The following FZD9 variants were observed in gnomAD, a reference collection of about 807,000 sequenced individuals.
FZD9 encodes frizzled class receptor 9.
In FZD9, 29 loss-of-function variants were observed where a neutral mutation model predicts 29.9. That is an observed-to-expected ratio of 0.97 (90% CI 0.72 to 1.32). FZD9 has a LOEUF of 1.32. Among genes scored for constraint, FZD9 ranks in the 40% most tolerant of loss-of-function variants. The pLI, the probability that FZD9 is intolerant of heterozygous loss-of-function variation, is 0.00. For missense variants in FZD9, 822 were observed against 857.8 expected (o/e 0.96, Z 0.52); for synonymous variants, 384 against 393.9 (o/e 0.97, Z 0.30).
chr7:73,435,777 C>T lies in FZD9; in HGVS notation c.1770C>T (p.His590=). 2 of 1,581,130 alleles carry T rather than the reference C, an allele frequency of 1.3e-6. No homozygotes were observed. Among genetic ancestry groups the T allele is most frequent in the East Asian group, 4.5e-5 (2 of 44,342 alleles). ...ACCCCTCTTTGGAGAACCCCACACA[C>T]CTCTAGCCACACAGGCCTGGCGCGG... is the stretch of plus-strand genomic sequence containing the variant. ...KTDPSLENPT[H]L Residue 590 remains histidine (H), a synonymous_variant, in exon 1 of 1, where the codon CAC becomes CAT. Transcript: ENST00000344575.
At position 73,435,159 on chromosome 7, in the gene FZD9, G is replaced by A; in HGVS notation, c.1152G>A (p.Leu384=). The change falls in exon 1 of 1, where the codon CTG becomes CTA. Residue 384 remains leucine (L), a synonymous_variant. Coordinates refer to ENST00000344575, the MANE Select transcript of FZD9 (RefSeq NM_003508.3). The part of the protein sequence containing the change: ...LTLRKVAGDE[L]TGLCYVASTD... ...TGCGCAAGGTGGCGGGTGATGAGCT[G>A]ACTGGGCTTTGCTACGTGGCCAGCA... 1.2e-6 allele frequency: 2 copies of A among 1,612,860 alleles called. No individual in the cohort carries two copies. Among genetic ancestry groups the A allele is most frequent in the Non-Finnish European group, 1.7e-6 (2 of 1,179,980 alleles).
In FZD9 at chr7:73,435,864, G is replaced by A; in HGVS notation, c.*81G>A. 6.7e-7 allele frequency: 1 copy of A among 1,499,072 alleles called. No homozygotes were observed. Among genetic ancestry groups the A allele is most frequent in the Admixed American group, 2.3e-5 (1 of 44,306 alleles). The allele number at this position is 1,499,072 out of a possible 1,614,324, so 92.9% of individuals were successfully genotyped here. On this transcript the variant is annotated 3_prime_UTR_variant, in exon 1 of 1. Transcript: ENST00000344575. ...CCCCCTGCATCCCCTAGAGACAGCT[G>A]ACTAGCAGCTGCCCAGCTGTCAAGG...
rs781942977 is a variant in FZD9 at position 73,434,724 on chromosome 7, G to T, written c.717G>T (p.Ser239=). Residue 239 remains serine (S), a synonymous_variant, in exon 1 of 1, where the codon TCG becomes TCT. Transcript: ENST00000344575. The stretch of plus-strand genomic sequence containing the variant: ...CGCTGGTCTGGATGGCCGTGTGGTC[G>T]GCGCTGTGCTTCTTCTCCACCGCCT... ...DFALVWMAVW[S]ALCFFSTAFT... 2 of 1,608,716 alleles carry T rather than the reference G, an allele frequency of 1.2e-6. No homozygotes were observed. Among genetic ancestry groups the T allele is most frequent in the Admixed American group, 1.7e-5 (1 of 60,024 alleles).
Position 73,434,412 on chromosome 7 carries a change from C to G in FZD9, c.405C>G (p.Asp135Glu). ...AGCAGTTCAACTTCGGCTGGCCGGA[C>G]TCGCTCGACTGCGCCCGGCTGCCCA... is the stretch of plus-strand genomic sequence containing the variant. ...IMEQFNFGWP[D>E]SLDCARLPTR... Residue 135 changes from aspartate (D) to glutamate (E), a missense_variant, in exon 1 of 1, where the codon GAC (aspartate) becomes GAG (glutamate). By Grantham distance (45) the Asp-to-Glu change is conservative. Transcript: ENST00000344575. 3 of 1,567,942 alleles carry G rather than the reference C, an allele frequency of 1.9e-6. No homozygotes were observed. Among genetic ancestry groups the G allele is most frequent in the Non-Finnish European group, 2.6e-6 (3 of 1,165,378 alleles).
rs1554563701 is a variant in FZD9 at position 73,435,767 on chromosome 7, A to C, written c.1760A>C (p.Asn587Thr). ...HMTKTDPSLE[N>T]PTHL The stretch of plus-strand genomic sequence containing the variant: ...ACTAAGACGGACCCCTCTTTGGAGA[A>C]CCCCACACACCTCTAGCCACACAGG... Residue 587 changes from asparagine to threonine, a missense_variant, in exon 1 of 1, where the codon AAC becomes ACC. Physicochemically the swap from Asn to Thr is moderately conservative, Grantham distance 65 (BLOSUM62 0). Transcript: ENST00000344575. 6.3e-7 allele frequency: 1 copy of C among 1,589,386 alleles called. No homozygotes were observed. Among genetic ancestry groups the C allele is most frequent in the South Asian group, 1.1e-5 (1 of 88,588 alleles).
chr7:73,435,836 C>T lies in FZD9; in HGVS notation c.*53C>T. 6.6e-7 allele frequency: 1 copy of T among 1,524,884 alleles called. No individual in the cohort carries two copies. The highest frequency in any genetic ancestry group is 1.3e-5 in the South Asian group (1 of 76,698). The allele number at this position is 1,524,884 out of a possible 1,614,324, so 94.5% of individuals were successfully genotyped here. The stretch of plus-strand genomic sequence containing the variant: ...CTGCCCCCTCCTTGCCCTCCACGCC[C>T]TGCCCCCTGCATCCCCTAGAGACAG... On this transcript the variant is annotated 3_prime_UTR_variant, in exon 1 of 1. Transcript: ENST00000344575.
rs201167285 is a variant in FZD9, at chr7:73,434,475, C to G, written c.468C>G (p.Pro156=). The part of the protein sequence containing the change: ...NDPHALCMEA[P]ENATAGPAEP... ...CGCACGCGCTGTGCATGGAGGCGCCCGAGAACGCCACGGCCGGCCCCGCGG... is the reference window on the plus strand; with the variant it reads ...CGCACGCGCTGTGCATGGAGGCGCCGGAGAACGCCACGGCCGGCCCCGCGG... Residue 156 remains proline (P), a synonymous_variant, in exon 1 of 1, where the codon CCC becomes CCG. Transcript: ENST00000344575. 6.7e-7 allele frequency: 1 copy of G among 1,497,790 alleles called. No individual in the cohort carries two copies. Among genetic ancestry groups the G allele is most frequent in the Non-Finnish European group, 8.8e-7 (1 of 1,131,066 alleles). 92.8% of individuals were successfully genotyped at this position (1,497,790 alleles called of 1,614,324 possible).
In FZD9 at chr7:73,434,377, C is replaced by A; in HGVS notation, c.370C>A (p.Pro124Thr). Residue 124 changes from proline to threonine, a missense_variant, in exon 1 of 1, where the codon CCC (proline) becomes ACC (threonine). Coordinates refer to ENST00000344575, the MANE Select transcript of FZD9 (RefSeq NM_003508.3). ...MCEQARLRCAPIMEQFNFGWP... is the reference protein window; with the variant it reads ...MCEQARLRCATIMEQFNFGWP... ...CGAGCAGGCGCGCCTGCGCTGCGCG[C>A]CCATCATGGAGCAGTTCAACTTCGG... 1 of 1,584,390 alleles carries A rather than the reference C, an allele frequency of 6.3e-7. No individual in the cohort carries two copies. Among genetic ancestry groups the A allele is most frequent in the Admixed American group, 1.7e-5 (1 of 57,436 alleles).
Position 73,435,352 on chromosome 7 carries a change from G to A in FZD9, c.1345G>A (p.Gly449Arg). The change falls in exon 1 of 1, where the codon GGG (glycine) becomes AGG (arginine). Residue 449 changes from glycine to arginine, a missense_variant. By Grantham distance (125) the Gly-to-Arg change is moderately radical. Coordinates refer to ENST00000344575, the MANE Select transcript of FZD9 (RefSeq NM_003508.3). ...GCTGGAGAAGCTCATGGTCAAGATC[G>A]GGGTCTTCTCCATCCTCTACACGGT... is the stretch of plus-strand genomic sequence containing the variant. ...EKLEKLMVKIGVFSILYTVPA... is the reference protein window; with the variant it reads ...EKLEKLMVKIRVFSILYTVPA... The A allele has an allele frequency of 6.2e-7, 1 of 1,613,700 alleles. No homozygotes were observed. The highest frequency in any genetic ancestry group is 8.5e-7 in the Non-Finnish European group (1 of 1,179,828).
At position 73,434,594 on chromosome 7, in the gene FZD9, G is replaced by T; in HGVS notation, c.587G>T (p.Cys196Phe). 6.5e-7 allele frequency: 1 copy of T among 1,534,236 alleles called. No homozygotes were observed. ...CCGGGCGCGGGCGGCAGTGGCACCT[G>T]CGAGAACCCCGAGAAGTTCCAGTAC... ...LGPGAGGSGT[C>F]ENPEKFQYVE... is the part of the protein sequence containing the mutation. Residue 196 changes from cysteine to phenylalanine, a missense_variant, in exon 1 of 1, where the codon TGC becomes TTC. Coordinates refer to ENST00000344575, the MANE Select transcript of FZD9 (RefSeq NM_003508.3).
In FZD9 at chr7:73,434,253, C is replaced by T. The variant is rs1787352124; in HGVS notation, c.246C>T (p.Tyr82=). ...CGGAGTTCGCGCCGCTGGTGCAGTA[C>T]GGCTGCCACAGCCACCTGCGCTTCT... ...ELAEFAPLVQ[Y]GCHSHLRFFL... Residue 82 remains tyrosine (Y), a synonymous_variant, in exon 1 of 1, where the codon TAC becomes TAT. Transcript: ENST00000344575. 1 of 1,587,040 alleles carries T rather than the reference C, an allele frequency of 6.3e-7. No homozygotes were observed. The highest frequency in any genetic ancestry group is 8.5e-7 in the Non-Finnish European group (1 of 1,173,664).
chr7:73,434,978 G>A lies in FZD9; in HGVS notation c.971G>A (p.Gly324Asp). 1 of 1,614,092 alleles carries A rather than the reference G, an allele frequency of 6.2e-7. No homozygotes were observed. The highest frequency in any genetic ancestry group is 8.5e-7 in the Non-Finnish European group (1 of 1,180,026). ...GTCTTCCTACTGCTCTACTACTTCGGCATGGCCAGCTCGCTCTGGTGGGTG... is the reference window on the plus strand; with the variant it reads ...GTCTTCCTACTGCTCTACTACTTCGACATGGCCAGCTCGCTCTGGTGGGTG... ...TLVFLLLYYF[G>D]MASSLWWVVL... The change falls in exon 1 of 1, where the codon GGC becomes GAC. Residue 324 changes from glycine to aspartate, a missense_variant. By Grantham distance (94) the Gly-to-Asp change is moderately conservative (BLOSUM62 -1). Transcript: ENST00000344575.
At position 73,434,227 on chromosome 7, in the gene FZD9, G is replaced by A; in HGVS notation, c.220G>A (p.Ala74Thr). The change falls in exon 1 of 1, where the codon GCG becomes ACG. Residue 74 changes from alanine (A) to threonine (T), a missense_variant. By Grantham distance (58) the Ala-to-Thr change is moderately conservative. Transcript: ENST00000344575. ...TSQGEAAAEL[A>T]EFAPLVQYGC... ...GCAGGGCGAGGCGGCTGCCGAGCTA[G>A]CGGAGTTCGCGCCGCTGGTGCAGTA... The A allele has an allele frequency of 6.3e-7, 1 of 1,580,590 alleles. No individual in the cohort carries two copies. The highest frequency in any genetic ancestry group is 8.5e-7 in the Non-Finnish European group (1 of 1,170,614).
In FZD9 at chr7:73,435,337, C is replaced by T; in HGVS notation, c.1330C>T (p.Leu444Phe). Residue 444 changes from leucine (L) to phenylalanine (F), a missense_variant, in exon 1 of 1, where the codon CTC becomes TTC. Coordinates refer to ENST00000344575, the MANE Select transcript of FZD9 (RefSeq NM_003508.3). Reference protein sequence around the residue: ...GGTNTEKLEKLMVKIGVFSIL... With the variant: ...GGTNTEKLEKFMVKIGVFSIL... The stretch of plus-strand genomic sequence containing the variant: ...CACCAACACAGAGAAGCTGGAGAAG[C>T]TCATGGTCAAGATCGGGGTCTTCTC... 6.2e-7 allele frequency: 1 copy of T among 1,613,834 alleles called. No individual in the cohort carries two copies. The highest frequency in any genetic ancestry group is 8.5e-7 in the Non-Finnish European group (1 of 1,179,906).
chr7:73,434,422 T>A lies in FZD9; in HGVS notation c.415T>A (p.Cys139Ser). Residue 139 changes from cysteine (C) to serine (S), a missense_variant, in exon 1 of 1, where the codon TGC becomes AGC. Coordinates refer to ENST00000344575, the MANE Select transcript of FZD9 (RefSeq NM_003508.3). ...CTTCGGCTGGCCGGACTCGCTCGACTGCGCCCGGCTGCCCACGCGCAACGA... is the reference window on the plus strand; with the variant it reads ...CTTCGGCTGGCCGGACTCGCTCGACAGCGCCCGGCTGCCCACGCGCAACGA... ...FNFGWPDSLD[C>S]ARLPTRNDPH... is the part of the protein sequence containing the mutation. 1.9e-6 allele frequency: 3 copies of A among 1,560,002 alleles called. No individual in the cohort carries two copies. The highest frequency in any genetic ancestry group is 2.6e-6 in the Non-Finnish European group (3 of 1,162,026).
chr7:73,435,852 C>G lies in FZD9; in HGVS notation c.*69C>G, dbSNP rs1787413643. 1 of 1,509,714 alleles carries G rather than the reference C, an allele frequency of 6.6e-7. No individual in the cohort carries two copies. The highest frequency in any genetic ancestry group is 8.9e-7 in the Non-Finnish European group (1 of 1,127,452). The allele number at this position is 1,509,714 out of a possible 1,614,324, so 93.5% of individuals were successfully genotyped here. A position where few individuals can be genotyped will look rare whatever the true frequency, so the allele number is the denominator to read the frequency against. On this transcript the variant is annotated 3_prime_UTR_variant, in exon 1 of 1. Coordinates refer to ENST00000344575, the MANE Select transcript of FZD9 (RefSeq NM_003508.3). ...CTCCACGCCCTGCCCCCTGCATCCC[C>G]TAGAGACAGCTGACTAGCAGCTGCC...
Position 73,434,286 on chromosome 7 carries a change from C to T in FZD9, c.279C>T (p.Cys93=). The change falls in exon 1 of 1, where the codon TGC becomes TGT. Residue 93 remains cysteine (C), a synonymous_variant. Transcript: ENST00000344575. The part of the protein sequence containing the change: ...GCHSHLRFFL[C]SLYAPMCTDQ... The stretch of plus-strand genomic sequence containing the variant: ...ACAGCCACCTGCGCTTCTTCCTGTG[C>T]TCGCTCTACGCGCCCATGTGCACCG... The T allele has an allele frequency of 1.9e-6, 3 of 1,588,306 alleles. No homozygotes were observed. The highest frequency in any genetic ancestry group is 1.7e-6 in the Non-Finnish European group (2 of 1,174,092).
Position 73,434,388 on chromosome 7 carries a change from G to T in FZD9, c.381G>T (p.Glu127Asp). 1 of 1,581,290 alleles carries T rather than the reference G, an allele frequency of 6.3e-7. No homozygotes were observed. ...QARLRCAPIM[E>D]QFNFGWPDSL... ...GCCTGCGCTGCGCGCCCATCATGGA[G>T]CAGTTCAACTTCGGCTGGCCGGACT... The change falls in exon 1 of 1, where the codon GAG becomes GAT. Residue 127 changes from glutamate to aspartate, a missense_variant. Transcript: ENST00000344575.
In FZD9 at chr7:73,434,558, G is replaced by A; in HGVS notation, c.551G>A (p.Gly184Glu). ...PVAPRPARPPGDLGPGAGGSG... is the reference protein window; with the variant it reads ...PVAPRPARPPEDLGPGAGGSG... Reference sequence around the variant, plus strand: ...GCGCCGCGGCCCGCGCGCCCTCCCGGAGACCTGGGCCCGGGCGCGGGCGGC... The same window carrying A: ...GCGCCGCGGCCCGCGCGCCCTCCCGAAGACCTGGGCCCGGGCGCGGGCGGC... The change falls in exon 1 of 1, where the codon GGA (glycine) becomes GAA (glutamate). Residue 184 changes from glycine to glutamate, a missense_variant. By Grantham distance (98) the Gly-to-Glu change is moderately conservative (BLOSUM62 -2). Coordinates refer to ENST00000344575, the MANE Select transcript of FZD9 (RefSeq NM_003508.3). 6.9e-7 allele frequency: 1 copy of A among 1,457,644 alleles called. No individual in the cohort carries two copies. Among genetic ancestry groups the A allele is most frequent in the Non-Finnish European group, 9.0e-7 (1 of 1,113,934 alleles). 90.3% of individuals were successfully genotyped at this position (1,457,644 alleles called of 1,614,324 possible).
Sources: allele counts gnomAD v4.1 joint callset, GRCh38; gene constraint gnomAD v4.1.1; transcripts MANE v1.5; gene names NCBI Gene and HGNC (gene_info 2026-07-23, HGNC 2026-07-21).